The following LRRTM4 variants were observed in gnomAD, a reference collection of about 807,000 sequenced individuals.
The protein encoded by LRRTM4 is leucine-rich repeat transmembrane neuronal protein 4.
Under a neutral mutation model 47.6 loss-of-function variants are expected in LRRTM4, and 25 were observed. The ratio of observed to expected loss-of-function variants is 0.53; its 90% CI spans 0.38 to 0.73. The LOEUF (loss-of-function observed/expected upper bound fraction) is 0.73. Among genes scored for constraint, LRRTM4 ranks in the 30% least tolerant of loss-of-function variants. LRRTM4 has a pLI of 0.00. For synonymous variants in LRRTM4, 311 were observed against 269.5 expected (o/e 1.15, Z -1.51); for missense variants, 638 against 713.4 (o/e 0.89, Z 1.20).
chr2:77,309,460 A>G (rs1467049630), intron 3 of LRRTM4, among the ~76,000 whole-genome samples: 1 of 152,202 alleles, frequency 6.6e-6, no homozygotes, highest in African/African-American at 2.4e-5. Flanking sequence ...CTTGTAATCA[A>G]TCTCTTTCAT....
intron 3 of LRRTM4, among the ~76,000 whole-genome samples, chr2:76,933,448 G>A (rs144229426): frequency 2.3e-4 from 35 of 152,008 alleles, no homozygotes; most frequent in African/African-American, 5.8e-4. Context: ...CAAATTTTAC[G>A]TAGTTATCTT....
chr2:77,109,888 AAGAAC>A (rs1671202306), intron 3 of LRRTM4, among the ~76,000 whole-genome samples: 1 of 152,130 alleles, frequency 6.6e-6, no homozygotes, highest in African/African-American at 2.4e-5. Context: ...AAATGTCTTA[AAGAAC>A]AGAAGACAAA....
chr2:77,103,740 C>G, intron 3 of LRRTM4, among the ~76,000 whole-genome samples: 1 of 149,244 alleles, frequency 6.7e-6, no homozygotes, highest in Middle Eastern at 3.6e-3. Context: ...TAAAGCAATA[C>G]TTGAAGACAG....
At chr2:77,104,067 A>T (rs1186617400) in intron 3 of LRRTM4, among the ~76,000 whole-genome samples, 1 of 152,158 alleles carries the variant, frequency 6.6e-6, no homozygotes, top group Non-Finnish European at 1.5e-5. Context: ...CTATTTTTCA[A>T]ACCTTCTCCT....
At chr2:77,088,163 CTGTT>C (rs1680788925) in intron 3 of LRRTM4, among the ~76,000 whole-genome samples, 1 of 152,176 alleles carries the variant, frequency 6.6e-6, no homozygotes, top group African/African-American at 2.4e-5. Context: ...ATTTCTTCTG[CTGTT>C]TGTCAAAGTT....
At chr2:76,827,852 A>T (rs183798701) in intron 3 of LRRTM4, among the ~76,000 whole-genome samples, 330 of 151,994 alleles carry the variant, frequency 2.2e-3, no homozygotes, top group Admixed American at 4.7e-3. Context: ...TGGTTATAAT[A>T]ATATTATTGC....
intron 3 of LRRTM4, among the ~76,000 whole-genome samples, chr2:76,809,700 C>T (rs887513354): frequency 6.6e-6 from 1 of 152,062 alleles, no homozygotes; most frequent in Non-Finnish European, 1.5e-5. Flanking sequence ...AAATAAAAAC[C>T]AAATACAAAC....
intron 3 of LRRTM4, among the ~76,000 whole-genome samples, chr2:76,757,412 A>C (rs1482149573): frequency 1.3e-5 from 2 of 152,094 alleles, no homozygotes; most frequent in African/African-American, 4.8e-5. Context: ...TGAGGTGCCC[A>C]GAGAGTTGAT....
intron 3 of LRRTM4, among the ~76,000 whole-genome samples, chr2:76,895,562 C>A (rs1028231613): frequency 5.3e-5 from 8 of 152,018 alleles, no homozygotes; most frequent in African/African-American, 1.9e-4. Flanking sequence ...AAGGAAACAG[C>A]CAGACTGCTA....
intron 3 of LRRTM4, among the ~76,000 whole-genome samples, chr2:76,975,978 GTTTTCTT>G (rs1676405883): frequency 6.6e-6 from 1 of 151,664 alleles, no homozygotes; most frequent in Non-Finnish European, 1.5e-5. Flanking sequence ...CTGGACTTAG[GTTTTCTT>G]CATTTCTTGC....
At chr2:77,271,590 T>G (rs368259213) in intron 3 of LRRTM4, among the ~76,000 whole-genome samples, 106 of 152,266 alleles carry the variant, frequency 7.0e-4, no homozygotes, top group African/African-American at 2.4e-3. Context: ...TGCTGCATCA[T>G]TAGTTCATAC....
intron 3 of LRRTM4, among the ~76,000 whole-genome samples, chr2:76,928,090 G>C (rs933066458): frequency 6.6e-6 from 1 of 152,074 alleles, no homozygotes; most frequent in South Asian, 2.1e-4. Context: ...CTTTACATGA[G>C]ACATATAATA....
intron 3 of LRRTM4, among the ~76,000 whole-genome samples, chr2:77,453,333 C>G (rs1427554454): frequency 6.6e-6 from 1 of 151,846 alleles, no homozygotes; most frequent in African/African-American, 2.4e-5. Context: ...AGGCGCCCAC[C>G]ACCACGCCTG....
intron 3 of LRRTM4, among the ~76,000 whole-genome samples, chr2:77,110,592 A>C (rs963685501): frequency 6.6e-6 from 1 of 152,206 alleles, no homozygotes; most frequent in Non-Finnish European, 1.5e-5. Flanking sequence ...ATGTTTTTTG[A>C]CAAGAACATT....
At chr2:77,087,633 G>C (rs1242252944) in intron 3 of LRRTM4, among the ~76,000 whole-genome samples, 9 of 152,034 alleles carry the variant, frequency 5.9e-5, no homozygotes, top group Non-Finnish European at 8.8e-5. Flanking sequence ...GAATTATCAG[G>C]AACAATAAGA....
chr2:77,215,176 T>C (rs556453500), intron 3 of LRRTM4, among the ~76,000 whole-genome samples: 1 of 152,242 alleles, frequency 6.6e-6, no homozygotes, highest in Non-Finnish European at 1.5e-5. Context: ...ACATTTTAAC[T>C]ATAATTAATT....
At chr2:77,136,706 G>A (rs1211148988) in intron 3 of LRRTM4, among the ~76,000 whole-genome samples, 1 of 152,042 alleles carries the variant, frequency 6.6e-6, no homozygotes, top group Non-Finnish European at 1.5e-5. Flanking sequence ...CGAAACCATG[G>A]CAAAGAAGCT....
chr2:77,021,096 A>C (rs931797136), intron 3 of LRRTM4, among the ~76,000 whole-genome samples: 2 of 132,250 alleles, frequency 1.5e-5, no homozygotes, highest in African/African-American at 6.0e-5. Flanking sequence ...ACTTCTCTGT[A>C]TCTATCTATC....
chr2:76,876,731 A>G (rs1014646924), intron 3 of LRRTM4, among the ~76,000 whole-genome samples: 3 of 152,016 alleles, frequency 2.0e-5, no homozygotes, highest in Non-Finnish European at 2.9e-5. Flanking sequence ...TTTTTTTAAT[A>G]TATCAACAGC....
Sources: allele counts gnomAD v4.1 joint callset (sites outside exome capture counted in the v4.1 genomes callset), GRCh38; gene constraint gnomAD v4.1.1; transcripts MANE v1.5; gene names NCBI Gene and HGNC (gene_info 2026-07-23, HGNC 2026-07-21).